The following PRKDC variants were observed in gnomAD, a reference collection of about 807,000 sequenced individuals.
PRKDC encodes protein kinase, DNA-activated, catalytic subunit.
A neutral mutation model predicts 486.9 loss-of-function variants in PRKDC; 82 were observed. That is an observed-to-expected ratio of 0.17 (90% CI 0.14 to 0.20). The LOEUF (loss-of-function observed/expected upper bound fraction) is 0.20. Among genes scored for constraint, PRKDC ranks in the 10% least tolerant of loss-of-function variants. The pLI is 1.00. For synonymous variants in PRKDC, 1,895 were observed against 1,837.0 expected (o/e 1.03, Z -0.81); for missense variants, 4,504 against 5,038.2 (o/e 0.89, Z 3.21).
At chr8:47,779,989 G>A (rs2086671899) in intron 80 of PRKDC, among the ~76,000 whole-genome samples, 1 of 138,660 alleles carries the variant, frequency 7.2e-6, no homozygotes, top group Non-Finnish European at 1.5e-5. Flanking sequence ...ATCTCGGCTT[G>A]CTACAACCTC....
chr8:47,834,417 G>A, intron 58 of PRKDC, 21 bp from the exon 59 acceptor site: 2 of 1,610,704 alleles, frequency 1.2e-6, no homozygotes, highest in Non-Finnish European at 1.7e-6. Context: ...CAATCAGAGA[G>A]GTCAGGCACT....
chr8:47,875,346 A>AT (rs1446566156), intron 40 of PRKDC, among the ~76,000 whole-genome samples: 1 of 151,926 alleles, frequency 6.6e-6, no homozygotes, highest in Admixed American at 6.6e-5. Context: ...TTCTTCCTTT[A>AT]TTTTTGGCTA....
At chr8:47,857,621 T>C (rs1385990256) in intron 48 of PRKDC, among the ~76,000 whole-genome samples, 1 of 152,114 alleles carries the variant, frequency 6.6e-6, no homozygotes, top group Non-Finnish European at 1.5e-5. Context: ...GGCTCTCTCA[T>C]AGCTCTCGAA....
At chr8:47,806,153 C>G (rs1389887565) in intron 69 of PRKDC, among the ~76,000 whole-genome samples, 2 of 152,226 alleles carry the variant, frequency 1.3e-5, no homozygotes, top group African/African-American at 4.8e-5. Flanking sequence ...CTGCGCCCTC[C>G]AGGCTTTGCT....
At chr8:47,850,748 G>T (rs1490757582) in intron 52 of PRKDC, among the ~76,000 whole-genome samples, 1 of 152,214 alleles carries the variant, frequency 6.6e-6, no homozygotes, top group Admixed American at 6.5e-5. Context: ...AAGAACAGTG[G>T]AGCTGTGTGC....
At chr8:47,921,264 A>AG (rs1186311919) in intron 21 of PRKDC, among the ~76,000 whole-genome samples, 1 of 152,076 alleles carries the variant, frequency 6.6e-6, no homozygotes, top group East Asian at 1.9e-4. Context: ...CAAAAAAAAA[A>AG]GAAAAAAAAA....
At chr8:47,816,461 G>T (rs1169513650) in intron 68 of PRKDC, among the ~76,000 whole-genome samples, 2 of 152,170 alleles carry the variant, frequency 1.3e-5, no homozygotes, top group Non-Finnish European at 2.9e-5. Flanking sequence ...TAGAGGTAGA[G>T]AAAATGCCAC....
chr8:47,819,313 CATGCACTTTCACT>C, intron 67 of PRKDC, 76 bp downstream of exon 67: 1 of 795,290 alleles, frequency 1.3e-6, no homozygotes, highest in Non-Finnish European at 2.0e-6. Context: ...CATTAAGAAA[CATGCACTTTCACT>C]AAGCAGAAAA....
chr8:47,947,830 C>T lies in PRKDC; in HGVS notation c.722-3801G>A, dbSNP rs548545264. On this transcript the variant is annotated intron_variant, in intron 7 of 85. Transcript: ENST00000314191. ...GGCTCAGGCACAAGAATCACTTGAA[C>T]GTGGGAGGCAGAGGTTACAGTGAGC... Among the ~76,000 whole-genome samples, 70 of 152,128 alleles carry T rather than the reference C, an allele frequency of 4.6e-4. 3 individuals carry two copies. The South Asian group carries it at 0.014, about 31-fold the overall frequency.
rs8178242 is a variant in PRKDC, at chr8:47,782,620, C to T, written c.11176-22G>A. The T allele has an allele frequency of 5.8e-6, 9 of 1,549,800 alleles. No homozygotes were observed. The highest frequency in any genetic ancestry group is 7.8e-6 in the Non-Finnish European group (9 of 1,146,874). On this transcript the variant is annotated intron_variant, in intron 78 of 85. Transcript: ENST00000314191. The surrounding 1 kb of genome is among the most constrained non-coding windows in gnomAD (Gnocchi z 4.9). ...TCACCTTCAAAAATCAGAATGTCATCTCAGGGCACAGGCTAGCCACGTGTC... is the reference window on the plus strand; with the variant it reads ...TCACCTTCAAAAATCAGAATGTCATTTCAGGGCACAGGCTAGCCACGTGTC...
intron 26 of PRKDC, 104 bp from the exon 27 acceptor site, chr8:47,902,899 A>T: frequency 1.3e-6 from 1 of 788,242 alleles, no homozygotes; most frequent in Admixed American, 3.6e-5. Flanking sequence ...GTTAAAAATT[A>T]ATTTATAGCA....
intron 25 of PRKDC, among the ~76,000 whole-genome samples, chr8:47,908,751 A>C (rs1242772295): frequency 6.6e-6 from 1 of 152,214 alleles, no homozygotes; most frequent in Non-Finnish European, 1.5e-5. Flanking sequence ...GAACATTTTA[A>C]TATTATAAAC....
At position 47,773,665 on chromosome 8, in the gene PRKDC, C is replaced by T. The variant is rs180900560; in HGVS notation, c.*508G>A. On this transcript the variant is annotated 3_prime_UTR_variant, in exon 86 of 86. Transcript: ENST00000314191. Reference sequence around the variant, plus strand: ...AATGCAGTCATTTCTAAATATAAGCCATAATTATAGCTTTACCTATTGTTC... The same window carrying T: ...AATGCAGTCATTTCTAAATATAAGCTATAATTATAGCTTTACCTATTGTTC... The T allele has an allele frequency of 5.4e-4, 120 of 222,252 alleles. No individual in the cohort carries two copies. Among genetic ancestry groups the T allele is most frequent in the Non-Finnish European group, 8.8e-4 (98 of 111,328 alleles). 13.8% of individuals were successfully genotyped at this position (222,252 alleles called of 1,614,324 possible).
chr8:47,830,832 G>A, intron 60 of PRKDC, 96 bp from the exon 61 acceptor site: 1 of 1,499,700 alleles, frequency 6.7e-7, no homozygotes, highest in Non-Finnish European at 9.2e-7. Flanking sequence ...CCTGAACCAT[G>A]AGGGCGAAGT....
chr8:47,880,782 G>A (rs530812630), intron 38 of PRKDC, among the ~76,000 whole-genome samples: 1 of 152,212 alleles, frequency 6.6e-6, no homozygotes, highest in East Asian at 1.9e-4. Context: ...GGCCGGGTGT[G>A]GTGGCTCACA....
intron 51 of PRKDC, among the ~76,000 whole-genome samples, chr8:47,853,205 C>T (rs2088453018): frequency 6.6e-6 from 1 of 152,208 alleles, no homozygotes; most frequent in African/African-American, 2.4e-5. Flanking sequence ...AGGGAGCCAC[C>T]CATTCACTGT....
intron 76 of PRKDC, among the ~76,000 whole-genome samples, chr8:47,786,692 G>C (rs575775266): frequency 9.5e-4 from 142 of 149,156 alleles, no homozygotes; most frequent in Non-Finnish European, 1.4e-3. Context: ...CTATTATTTT[G>C]GGTAATAAAC....
At chr8:47,959,878 C>T in intron 1 of PRKDC, 95 bp downstream of exon 1, 1 of 1,475,534 alleles carries the variant, frequency 6.8e-7, no homozygotes, top group Non-Finnish European at 9.0e-7. Context: ...TTCAAAATAC[C>T]GTCATCTAAA....
intron 70 of PRKDC, 49 bp downstream of exon 70, chr8:47,803,257 A>C: frequency 6.5e-7 from 1 of 1,533,856 alleles, no homozygotes; most frequent in Non-Finnish European, 8.8e-7. Flanking sequence ...ACACAAGACA[A>C]TATAACACAG....
Sources: gnomAD v4.1 joint callset for allele counts (sites outside exome capture counted in the v4.1 genomes callset) on GRCh38, gnomAD v4.1.1 for gene constraint, Gnocchi (gnomAD v3.1) non-coding constraint, MANE v1.5 for transcripts, NCBI Gene and HGNC (gene_info 2026-07-23, HGNC 2026-07-21) for gene names.